SEMA7A: variants seen among roughly 807,000 people sequenced by gnomAD.
The protein encoded by SEMA7A is semaphorin-7A.
SEMA7A carries 21 observed loss-of-function variants against 67.5 expected under a neutral mutation model. The observed-to-expected ratio is 0.31, with a 90% CI of 0.22 to 0.45. SEMA7A has a LOEUF of 0.45. Among genes scored for constraint, SEMA7A ranks in the 20% least tolerant of loss-of-function variants. The pLI is 1.00. For missense variants in SEMA7A, 774 were observed against 908.6 expected (o/e 0.85, Z 1.90); for synonymous variants, 364 against 368.5 (o/e 0.99, Z 0.14).
intron 1 of SEMA7A, among the ~76,000 whole-genome samples, chr15:74,424,702 A>C (rs1435073040): frequency 1.3e-5 from 2 of 152,208 alleles, no homozygotes; most frequent in African/African-American, 4.8e-5. Flanking sequence ...TGTGCTGAGC[A>C]GGATTCAGGG....
Position 74,433,866 on chromosome 15 carries a change from A to T in SEMA7A, c.53T>A (p.Val18Asp). ...RAAPSAPRAR[V>D]PGPPARLGLP... ...CCCCAACCGAGCCGGCGGGCCAGGG[A>T]CGCGGGCGCGCGGTGCGCTGGGGGC... The change falls in exon 1 of 14, where the codon GTC becomes GAC. Residue 18 changes from valine to aspartate, a missense_variant. Val to Asp is a radical substitution (Grantham distance 152). Transcript: ENST00000261918. 1.6e-6 allele frequency: 2 copies of T among 1,283,794 alleles called. No individual in the cohort carries two copies. The highest frequency in any genetic ancestry group is 9.8e-7 in the Non-Finnish European group (1 of 1,021,724). The allele number at this position is 1,283,794 out of a possible 1,614,324, so 79.5% of individuals were successfully genotyped here.
At chr15:74,427,376 C>T in intron 1 of SEMA7A, 1 of 985,446 alleles carries the variant, frequency 1.0e-6, no homozygotes, top group African/African-American at 1.7e-5. Context: ...ATTCCTGGGC[C>T]ACCAATGGAG....
intron 1 of SEMA7A, among the ~76,000 whole-genome samples, chr15:74,422,491 C>T (rs564240142): frequency 6.6e-6 from 1 of 152,286 alleles, no homozygotes; most frequent in South Asian, 2.1e-4. Flanking sequence ...CCGAGCCAAT[C>T]CTCACTCGTG....
In SEMA7A at chr15:74,411,808, C is replaced by G. The variant is rs1295422096; in HGVS notation, c.1422+77G>C. 6.2e-7 allele frequency: 1 copy of G among 1,603,294 alleles called. No homozygotes were observed. Among genetic ancestry groups the G allele is most frequent in the Non-Finnish European group, 8.5e-7 (1 of 1,175,664 alleles). On this transcript the variant is annotated intron_variant, in intron 11 of 13. Transcript: ENST00000261918. This position sits in a 1 kb window ranked among gnomAD's most constrained non-coding sequence, Gnocchi z 4.4. ...GCCTAGAAGCTCTTAAAAGAACACA[C>G]AAATCACATGCAAAGGAGCCCTGTC...
At position 74,423,823 on chromosome 15, in the gene SEMA7A, G is replaced by A. The variant is rs767201241; in HGVS notation, c.179-4871C>T. Among the ~76,000 whole-genome samples, 4 of 152,310 alleles carry A rather than the reference G, an allele frequency of 2.6e-5. No individual in the cohort carries two copies. Among genetic ancestry groups the A allele is most frequent in the Middle Eastern group, 3.4e-3 (1 of 294 alleles). On this transcript the variant is annotated intron_variant, in intron 1 of 13. Transcript: ENST00000261918. The surrounding 1 kb of genome is among the most constrained non-coding windows in gnomAD (Gnocchi z 4.1). Reference sequence around the variant, plus strand: ...AAATGTTTCTGTCTCTCCTGATATGGCCAGGAAGAGGGTGTGAGAAGCCTG... The same window carrying A: ...AAATGTTTCTGTCTCTCCTGATATGACCAGGAAGAGGGTGTGAGAAGCCTG...
At chr15:74,418,053 GGAA>G (rs2060967623) in intron 3 of SEMA7A, 84 bp from the exon 4 acceptor site, 1 of 1,482,282 alleles carries the variant, frequency 6.7e-7, no homozygotes, top group Non-Finnish European at 9.4e-7. Flanking sequence ...CCAGGATCAG[GGAA>G]GAAGGTGTCA....
rs2060943407 is a variant in SEMA7A at position 74,415,842 on chromosome 15, C to T, written c.945G>A (p.Gln315=). 6.2e-7 allele frequency: 1 copy of T among 1,613,888 alleles called. No individual in the cohort carries two copies. The highest frequency in any genetic ancestry group is 8.5e-7 in the Non-Finnish European group (1 of 1,179,920). Residue 315 remains glutamine, a synonymous_variant, in exon 8 of 14, where the codon CAG becomes CAA. Transcript: ENST00000261918. ...CACCATAGACCCTGGTGTCCCTCCA[C>T]TGGCCGCTGGGGTCAGGGAGCAGGA... ...DVFLLPDPSG[Q]WRDTRVYGVF...
rs1176193953 is a variant in SEMA7A at position 74,411,674 on chromosome 15, G to A, written c.1459C>T (p.Gln487Ter). ...ACCTCACACAGGTCCAGGGGCACCT[G>A]GCTCACCTCCCACTGGGAGCTCACA... ...LYVSSQWEVS[Q>*]VPLDLCEVYG... Residue 487 changes from glutamine to a stop codon, truncating the protein, a stop_gained, in exon 12 of 14, where the codon CAG becomes TAG. Coordinates refer to ENST00000261918, the MANE Select transcript of SEMA7A (RefSeq NM_003612.5). LOFTEE classifies it high-confidence loss of function. The surrounding 1 kb of genome is among the most constrained non-coding windows in gnomAD (Gnocchi z 4.4). The A allele has an allele frequency of 6.2e-7, 1 of 1,613,610 alleles. No individual in the cohort carries two copies. Among genetic ancestry groups the A allele is most frequent in the Admixed American group, 1.7e-5 (1 of 60,006 alleles).
chr15:74,418,347 G>A (rs369860547), intron 2 of SEMA7A, 38 bp from the exon 3 acceptor site: 76 of 1,605,728 alleles, frequency 4.7e-5, no homozygotes, highest in Non-Finnish European at 6.3e-5. Flanking sequence ...AATCTGCCAG[G>A]GGTGAGGTAC....
In SEMA7A at chr15:74,410,564, G is replaced by A. The variant is rs1483844373; in HGVS notation, c.*60C>T. The A allele has an allele frequency of 3.9e-6, 6 of 1,521,776 alleles. No homozygotes were observed. The African/African-American group carries it at 6.9e-5, about 18-fold the overall frequency. 94.3% of individuals were successfully genotyped at this position (1,521,776 alleles called of 1,614,324 possible). A position where few individuals can be genotyped will look rare whatever the true frequency, so the allele number is the denominator to read the frequency against. ...GCTCCCGGGCCAGCCGGCTCTGAGTGTGAGACGTTCTAGTGCCCTGGGCTG... is the reference window on the plus strand; with the variant it reads ...GCTCCCGGGCCAGCCGGCTCTGAGTATGAGACGTTCTAGTGCCCTGGGCTG... On this transcript the variant is annotated 3_prime_UTR_variant, in exon 14 of 14. Coordinates refer to ENST00000261918, the MANE Select transcript of SEMA7A (RefSeq NM_003612.5). The surrounding 1 kb of genome is among the most constrained non-coding windows in gnomAD (Gnocchi z 7.5).
chr15:74,414,063 C>G lies in SEMA7A; in HGVS notation c.1294+484G>C, dbSNP rs1308311858. Among the ~76,000 whole-genome samples, 1 of 152,188 alleles carries G rather than the reference C, an allele frequency of 6.6e-6. No homozygotes were observed. Among genetic ancestry groups the G allele is most frequent in the Non-Finnish European group, 1.5e-5 (1 of 68,034 alleles). On this transcript the variant is annotated intron_variant, in intron 10 of 13. Transcript: ENST00000261918. This position sits in a 1 kb window ranked among gnomAD's most constrained non-coding sequence, Gnocchi z 4.1. ...TCTGTGAGATGGCAAAGGTTCTGCC[C>G]CCTGGAACTCCTTCCTCATACCTAA...
At chr15:74,427,380 A>G in intron 1 of SEMA7A, 1 of 985,436 alleles carries the variant, frequency 1.0e-6, no homozygotes. Context: ...CTGGGCCACC[A>G]ATGGAGTGCA....
chr15:74,427,198 T>C, intron 1 of SEMA7A: 2 of 984,932 alleles, frequency 2.0e-6, no homozygotes, highest in South Asian at 9.4e-5. Context: ...TTCGCTCAGA[T>C]CATGCTGTCT....
intron 1 of SEMA7A, among the ~76,000 whole-genome samples, chr15:74,421,238 G>T (rs1481953989): frequency 1.3e-5 from 2 of 152,168 alleles, no homozygotes; most frequent in Non-Finnish European, 2.9e-5. Flanking sequence ...TGAGGGGTCA[G>T]ACAGCCACAC....
At chr15:74,415,738 C>A (rs1439859440) in intron 8 of SEMA7A, 63 bp downstream of exon 8, 4 of 1,488,098 alleles carry the variant, frequency 2.7e-6, no homozygotes, top group Non-Finnish European at 9.1e-7. Context: ...GGGCCCAAGG[C>A]CTCCTGTCCC....
chr15:74,415,943 T>C lies in SEMA7A; in HGVS notation c.844A>G (p.Asn282Asp). Residue 282 changes from asparagine (N) to aspartate (D), a missense_variant, in exon 8 of 14, where the codon AAC (asparagine) becomes GAC (aspartate). Coordinates refer to ENST00000261918, the MANE Select transcript of SEMA7A (RefSeq NM_003612.5). ...ACCAGCATGGCTTTCAGAAAAGTGT[T>C]CCACTTGGAGACTGACAGTGAACTT... The part of the protein sequence containing the change: ...GESSLSVSKW[N>D]TFLKAMLVCS... The C allele has an allele frequency of 6.2e-7, 1 of 1,614,058 alleles. No homozygotes were observed. The highest frequency in any genetic ancestry group is 8.5e-7 in the Non-Finnish European group (1 of 1,179,960).
At chr15:74,422,901 A>G (rs1027689662) in intron 1 of SEMA7A, among the ~76,000 whole-genome samples, 1 of 152,184 alleles carries the variant, frequency 6.6e-6, no homozygotes, top group East Asian at 1.9e-4. Context: ...TTTGTGAAAG[A>G]GGAGTGCAGC....
intron 7 of SEMA7A, 69 bp from the exon 8 acceptor site, chr15:74,416,054 C>T: frequency 6.7e-7 from 1 of 1,487,748 alleles, no homozygotes; most frequent in South Asian, 1.2e-5. Context: ...CCCAGGAAAC[C>T]ACTGCCAGCA....
rs202010707 is a variant in SEMA7A at position 74,412,042 on chromosome 15, C to T, written c.1295-30G>A. On this transcript the variant is annotated intron_variant, in intron 10 of 13. Coordinates refer to ENST00000261918, the MANE Select transcript of SEMA7A (RefSeq NM_003612.5). ...GTATGGTGGACAGAGGGTCAGTGGGCGGGAGTCCCACTGAGGGGCCAGGCA... is the reference window on the plus strand; with the variant it reads ...GTATGGTGGACAGAGGGTCAGTGGGTGGGAGTCCCACTGAGGGGCCAGGCA... 139 of 1,604,678 alleles carry T rather than the reference C, an allele frequency of 8.7e-5. 1 individual carries two copies. The East Asian group carries it at 2.7e-3, about 32-fold the overall frequency.
Sources: allele counts gnomAD v4.1 joint callset (sites outside exome capture counted in the v4.1 genomes callset), GRCh38; gene constraint gnomAD v4.1.1; non-coding constraint Gnocchi (gnomAD v3.1); transcripts MANE v1.5; gene names NCBI Gene and HGNC (gene_info 2026-07-23, HGNC 2026-07-21).